The following PPP2R5A variants were observed in gnomAD, a reference collection of about 807,000 sequenced individuals.
PPP2R5A encodes the protein serine/threonine-protein phosphatase 2A 56 kDa regulatory subunit alpha isoform.
PPP2R5A carries 25 observed loss-of-function variants against 64.2 expected under a neutral mutation model. That is an observed-to-expected ratio of 0.39 (90% CI 0.28 to 0.54). The LOEUF (loss-of-function observed/expected upper bound fraction) is 0.54, where lower values mean the gene tolerates loss of function less well. Among genes scored for constraint, PPP2R5A ranks in the 20% least tolerant of loss-of-function variants. The pLI, the probability that PPP2R5A is intolerant of heterozygous loss-of-function variation, is 0.67. For synonymous variants in PPP2R5A, 198 were observed against 201.2 expected, an observed-to-expected ratio of 0.98 and a Z score of 0.13; for missense variants, 425 against 576.3, an observed-to-expected ratio of 0.74 and a Z score of 2.69.
chr1:212,292,035 T>C (rs1456315708), intron 1 of PPP2R5A, among the ~76,000 whole-genome samples: 2 of 152,254 alleles, frequency 1.3e-5, no homozygotes, highest in African/African-American at 2.4e-5. Context: ...ATTGTATATG[T>C]TAAATACAAG....
At chr1:212,321,487 C>T (rs1355769424) in intron 1 of PPP2R5A, among the ~76,000 whole-genome samples, 6 of 149,564 alleles carry the variant, frequency 4.0e-5, no homozygotes, top group Non-Finnish European at 7.4e-5. Context: ...GGCTGCCGGG[C>T]GGAGGGGCTC....
chr1:212,289,782 G>A (rs572454073), intron 1 of PPP2R5A, among the ~76,000 whole-genome samples: 3 of 152,166 alleles, frequency 2.0e-5, no homozygotes, highest in Middle Eastern at 3.4e-3. Flanking sequence ...ATTATTAATA[G>A]GATTACTTAC....
intron 1 of PPP2R5A, among the ~76,000 whole-genome samples, chr1:212,321,780 C>T (rs1228073552): frequency 1.4e-4 from 22 of 151,870 alleles, no homozygotes; most frequent in African/African-American, 4.6e-4. Context: ...ACTTCCCAGA[C>T]GGGGTGGCCG....
At chr1:212,289,853 A>G (rs1462891352) in intron 1 of PPP2R5A, among the ~76,000 whole-genome samples, 4 of 152,212 alleles carry the variant, frequency 2.6e-5, no homozygotes, top group Non-Finnish European at 5.9e-5. Flanking sequence ...GTTTTCAGAT[A>G]TGATTTATGT....
At chr1:212,317,283 AAAAC>A (rs567118533) in intron 1 of PPP2R5A, among the ~76,000 whole-genome samples, 7 of 141,196 alleles carry the variant, frequency 5.0e-5, no homozygotes, top group East Asian at 2.1e-4. Flanking sequence ...GAAGGGGAGA[AAAAC>A]AAAATTGCCA....
At chr1:212,342,159 C>T (rs1375264926) in intron 3 of PPP2R5A, 29 bp from the exon 4 acceptor site, 1 of 1,609,766 alleles carries the variant, frequency 6.2e-7, no homozygotes, top group Non-Finnish European at 8.5e-7. Flanking sequence ...TAGCCATCAT[C>T]TTAGCCTTTA....
chr1:212,329,496 T>C (rs774325294), intron 2 of PPP2R5A, among the ~76,000 whole-genome samples, 165 bp downstream of exon 2: 6 of 152,190 alleles, frequency 3.9e-5, no homozygotes, highest in Non-Finnish European at 7.3e-5. Flanking sequence ...TCATTGCATA[T>C]ACAAGTTTGG....
intron 4 of PPP2R5A, among the ~76,000 whole-genome samples, chr1:212,343,502 T>C (rs184966616): frequency 2.0e-3 from 304 of 152,336 alleles, no homozygotes; most frequent in Admixed American, 3.3e-3. Flanking sequence ...ATAACTACCC[T>C]TGACCTCATA....
chr1:212,323,888 A>G (rs1469689291), intron 1 of PPP2R5A, among the ~76,000 whole-genome samples: 3 of 152,048 alleles, frequency 2.0e-5, no homozygotes, highest in African/African-American at 7.2e-5. Context: ...CCTGACCAAC[A>G]TGGTGAAACC....
rs1179866637 is a variant in PPP2R5A, at chr1:212,357,028, T to C, written c.1057T>C (p.Phe353Leu). The C allele has an allele frequency of 6.2e-7, 1 of 1,612,172 alleles. No individual in the cohort carries two copies. The highest frequency in any genetic ancestry group is 8.5e-7 in the Non-Finnish European group (1 of 1,179,340). ...TQFKKIEEPL[F>L]KQISKCVSSS... Reference sequence around the variant, plus strand: ...GTTCAAAAAAATTGAAGAGCCACTTTTCAAGCAGATATCCAAGTGTGTATC... The same window carrying C: ...GTTCAAAAAAATTGAAGAGCCACTTCTCAAGCAGATATCCAAGTGTGTATC... Residue 353 changes from phenylalanine (F) to leucine (L), a missense_variant, in exon 10 of 13, where the codon TTC becomes CTC. Physicochemically the swap from Phe to Leu is conservative, Grantham distance 22 (BLOSUM62 0). Transcript: ENST00000261461.
chr1:212,318,213 A>G (rs1308855410), intron 1 of PPP2R5A, among the ~76,000 whole-genome samples: 1 of 152,178 alleles, frequency 6.6e-6, no homozygotes. Flanking sequence ...ATTGAAGTAC[A>G]GTTTAAAATG....
chr1:212,358,934 CTT>C lies in PPP2R5A; in HGVS notation c.1328+148_1328+149del. The C allele has an allele frequency of 7.5e-6, 4 of 535,538 alleles. 2 individuals are homozygous for C. 33.2% of individuals were successfully genotyped at this position (535,538 alleles called of 1,614,324 possible). ...AGTAAACATTACAATGTGAAAGTCT[CTT>C]AACATATAAGTCATTTCCAGATAAA... On this transcript the variant is annotated intron_variant, in intron 12 of 12. Transcript: ENST00000261461.
At chr1:212,344,237 G>A (rs1386357760) in intron 4 of PPP2R5A, among the ~76,000 whole-genome samples, 1 of 152,176 alleles carries the variant, frequency 6.6e-6, no homozygotes, top group East Asian at 1.9e-4. Context: ...GCCTCCCAAA[G>A]TGCTGGGATT....
intron 1 of PPP2R5A, among the ~76,000 whole-genome samples, chr1:212,287,706 C>T (rs1348730604): frequency 6.6e-6 from 1 of 152,168 alleles, no homozygotes; most frequent in African/African-American, 2.4e-5. Context: ...ATTGCCAAGA[C>T]TTTAATTCTT....
intron 8 of PPP2R5A, among the ~76,000 whole-genome samples, chr1:212,350,738 C>T (rs952970340): frequency 1.3e-5 from 2 of 151,868 alleles, no homozygotes; most frequent in African/African-American, 4.8e-5. Flanking sequence ...CCCATAATAA[C>T]ACATATTGAA....
intron 1 of PPP2R5A, among the ~76,000 whole-genome samples, chr1:212,288,484 G>A (rs1007360080): frequency 7.9e-5 from 12 of 152,126 alleles, no homozygotes; most frequent in Non-Finnish European, 1.0e-4. Context: ...TGAAAATACA[G>A]TATTCATCAT....
chr1:212,296,805 T>G (rs1159628130), intron 1 of PPP2R5A, among the ~76,000 whole-genome samples: 1 of 152,170 alleles, frequency 6.6e-6, no homozygotes, highest in East Asian at 1.9e-4. Context: ...ATACAATAAT[T>G]TACAATTTTA....
At chr1:212,352,749 C>A in intron 8 of PPP2R5A, 1 of 517,078 alleles carries the variant, frequency 1.9e-6, no homozygotes, top group East Asian at 5.5e-5. Flanking sequence ...CATGCCTGGC[C>A]TGCATTCATT....
intron 1 of PPP2R5A, among the ~76,000 whole-genome samples, chr1:212,300,618 A>G (rs1373905856): frequency 6.6e-6 from 1 of 152,168 alleles, no homozygotes; most frequent in Non-Finnish European, 1.5e-5. Context: ...TATGTTGTTC[A>G]ATAGCCTATT....
Sources: allele counts gnomAD v4.1 joint callset (sites outside exome capture counted in the v4.1 genomes callset), GRCh38; gene constraint gnomAD v4.1.1; transcripts MANE v1.5; gene names NCBI Gene and HGNC (gene_info 2026-07-23, HGNC 2026-07-21).